MRLN: variants seen among roughly 807,000 people sequenced by gnomAD.
MRLN encodes Linc-RNA activator of myogenesis.
intron 1 of MRLN, among the ~76,000 whole-genome samples, chr10:59,751,257 T>C (rs1841100006): frequency 6.6e-6 from 1 of 152,194 alleles, no homozygotes; most frequent in South Asian, 2.1e-4. Flanking sequence ...TCTAGCATTT[T>C]CCACAGAGCT....
chr10:59,747,976 T>C (rs1032137928), intron 1 of MRLN, among the ~76,000 whole-genome samples: 1 of 152,252 alleles, frequency 6.6e-6, no homozygotes, highest in African/African-American at 2.4e-5. Flanking sequence ...TGCTTGCAAC[T>C]TGTCTCCCTA....
At chr10:59,746,307 T>C (rs965208723) in intron 1 of MRLN, among the ~76,000 whole-genome samples, 3 of 152,200 alleles carry the variant, frequency 2.0e-5, no homozygotes, top group South Asian at 4.1e-4. Flanking sequence ...AATAAGCTAC[T>C]TAAGTAAATA....
Position 59,749,035 on chromosome 10 carries a change from C to A in MRLN, c.-125+4319G>T, listed in dbSNP as rs554659784. 9.9e-5 allele frequency among the ~76,000 whole-genome samples: 15 copies of A among 152,276 alleles called. No individual in the cohort carries two copies. The East Asian group carries it at 2.9e-3, about 29-fold the overall frequency. On this transcript the variant is annotated intron_variant, in intron 1 of 2. Coordinates refer to ENST00000414264, the MANE Select transcript of MRLN (RefSeq NM_001304731.2). ...GTACAGGATCTGAACCAGATGGAACCAGTTTGAGATCCTGGCTCTTACCAC... is the reference window on the plus strand; with the variant it reads ...GTACAGGATCTGAACCAGATGGAACAAGTTTGAGATCCTGGCTCTTACCAC...
At chr10:59,748,888 T>C (rs1841069486) in intron 1 of MRLN, among the ~76,000 whole-genome samples, 1 of 152,014 alleles carries the variant, frequency 6.6e-6, no homozygotes, top group Non-Finnish European at 1.5e-5. Context: ...AAATCACAAG[T>C]GAAAAGTAGA....
rs549722469 is a variant in MRLN, at chr10:59,737,244, C to T, written c.-20-24G>A. 22 of 392,346 alleles carry T rather than the reference C, an allele frequency of 5.6e-5. No individual in the cohort carries two copies. The South Asian group carries it at 2.7e-3, about 47-fold the overall frequency. The allele number at this position is 392,346 out of a possible 1,614,324, so 24.3% of individuals were successfully genotyped here. ...CCCTAGGAAAAAAGAGAAAAGTATCCTCAAATGAACACATTTATAATACTG... is the reference window on the plus strand; with the variant it reads ...CCCTAGGAAAAAAGAGAAAAGTATCTTCAAATGAACACATTTATAATACTG... On this transcript the variant is annotated intron_variant, in intron 2 of 2. Transcript: ENST00000414264.
At chr10:59,745,445 A>AT (rs915071538) in intron 1 of MRLN, among the ~76,000 whole-genome samples, 1 of 150,048 alleles carries the variant, frequency 6.7e-6, no homozygotes, top group Non-Finnish European at 1.5e-5. Context: ...TTTGGGTCAG[A>AT]TTTTTTTTAT....
intron 1 of MRLN, chr10:59,744,823 T>G: frequency 5.8e-6 from 1 of 173,388 alleles, no homozygotes; most frequent in Non-Finnish European, 1.2e-5. Flanking sequence ...AACTCCGTGC[T>G]CTCTGAAACA....
intron 1 of MRLN, among the ~76,000 whole-genome samples, chr10:59,751,433 G>A (rs193291019): frequency 1.4e-4 from 22 of 152,078 alleles, no homozygotes; most frequent in Admixed American, 5.9e-4. Flanking sequence ...AGACCAAGGC[G>A]GTGGTTCACT....
chr10:59,744,632 G>A (rs1452289885), intron 1 of MRLN, among the ~76,000 whole-genome samples: 4 of 152,170 alleles, frequency 2.6e-5, no homozygotes, highest in African/African-American at 7.2e-5. Flanking sequence ...CATTGAAAAC[G>A]GGCCATGATG....
At chr10:59,752,975 C>A (rs766302199) in intron 1 of MRLN, among the ~76,000 whole-genome samples, 2 of 152,148 alleles carry the variant, frequency 1.3e-5, no homozygotes, top group Non-Finnish European at 2.9e-5. Flanking sequence ...TGTGAAAATT[C>A]TCTTTGAAAT....
chr10:59,748,085 T>A (rs578196947), intron 1 of MRLN, among the ~76,000 whole-genome samples: 15 of 147,794 alleles, frequency 1.0e-4, no homozygotes, highest in Admixed American at 4.8e-4. Context: ...TAATGCTTTT[T>A]CTTTTGTTTT....
chr10:59,744,481 G>T (rs1341014236), intron 1 of MRLN, among the ~76,000 whole-genome samples: 1 of 149,328 alleles, frequency 6.7e-6, no homozygotes, highest in Admixed American at 6.7e-5. Flanking sequence ...CGCCCCGTCC[G>T]GGAGGTGGGG....
At chr10:59,753,040 C>A (rs1392674719) in intron 1 of MRLN, among the ~76,000 whole-genome samples, 1 of 152,200 alleles carries the variant, frequency 6.6e-6, no homozygotes, top group Non-Finnish European at 1.5e-5. Flanking sequence ...GCTGCAGCCA[C>A]AGGTCTTGGT....
intron 1 of MRLN, among the ~76,000 whole-genome samples, chr10:59,751,824 G>T (rs61861087): frequency 0.22 from 33,465 of 151,980 alleles, 4,053 homozygotes; most frequent in Middle Eastern, 0.32. Context: ...AGTTTACAGA[G>T]GAAAACAAAA....
At position 59,742,553 on chromosome 10, in the gene MRLN, AACAGTGTTTCATC is replaced by A. The variant is rs1316857763; in HGVS notation, c.-124-4004_-124-3992del. Among the ~76,000 whole-genome samples, 5 of 152,322 alleles carry A rather than the reference AACAGTGTTTCATC, an allele frequency of 3.3e-5. No individual in the cohort carries two copies. The East Asian group carries it at 7.7e-4, about 24-fold the overall frequency. On this transcript the variant is annotated intron_variant, in intron 1 of 2. Transcript: ENST00000414264. The stretch of plus-strand genomic sequence containing the variant: ...GGGAAGGAAACAGGCAAGAGATTCC[AACAGTGTTTCATC>A]TCTTGTCCTGGGTGGTGGTTATACT...
At chr10:59,750,735 C>T (rs1011662151) in intron 1 of MRLN, among the ~76,000 whole-genome samples, 3 of 152,230 alleles carry the variant, frequency 2.0e-5, no homozygotes, top group Admixed American at 6.5e-5. Flanking sequence ...TTTTACAAAG[C>T]CGGATGAAAT....
chr10:59,746,120 G>T (rs1047265367), intron 1 of MRLN, among the ~76,000 whole-genome samples: 2 of 152,076 alleles, frequency 1.3e-5, no homozygotes, highest in Admixed American at 1.3e-4. Flanking sequence ...TTGGATTCAA[G>T]TTTATAATCT....
At chr10:59,747,552 T>A (rs1841054839) in intron 1 of MRLN, among the ~76,000 whole-genome samples, 1 of 152,230 alleles carries the variant, frequency 6.6e-6, no homozygotes, top group South Asian at 2.1e-4. Context: ...TCTCAAGTTC[T>A]CTTTAAGTAC....
chr10:59,747,075 C>G (rs1174753647), intron 1 of MRLN, among the ~76,000 whole-genome samples: 1 of 152,250 alleles, frequency 6.6e-6, no homozygotes, highest in Non-Finnish European at 1.5e-5. Flanking sequence ...GCTGGGATTA[C>G]AGGCGTGAGC....
Sources: gnomAD v4.1 joint callset for allele counts (sites outside exome capture counted in the v4.1 genomes callset) on GRCh38, gnomAD v4.1.1 for gene constraint, MANE v1.5 for transcripts, NCBI Gene and HGNC (gene_info 2026-07-23, HGNC 2026-07-21) for gene names.